MTOR: variants seen among roughly 807,000 people sequenced by gnomAD.
The protein encoded by MTOR is serine/threonine-protein kinase mTOR.
Under a neutral mutation model 319.8 loss-of-function variants are expected in MTOR, and 70 were observed. The observed-to-expected ratio is 0.22, with a 90% CI of 0.18 to 0.27. The LOEUF is 0.27. MTOR is among the 10% of genes least tolerant of loss of function. The pLI is 1.00. For synonymous variants in MTOR, 1,183 were observed against 1,211.4 expected (o/e 0.98, Z 0.49); for missense variants, 1,890 against 3,274.4 (o/e 0.58, Z 10.32).
chr1:11,154,068 CAAAAAAAAAAAAAAAAAAA>C (rs70977548), intron 30 of MTOR, among the ~76,000 whole-genome samples: 24 of 13,070 alleles, frequency 1.8e-3, no homozygotes, highest in South Asian at 0.011. Context: ...GACTCTGTCT[CAAAAAAAAAAAAAAAAAAA>C]AAAAAAAAAA....
Position 11,150,117 on chromosome 1 carries a change from A to G in MTOR, c.4570+9T>C, listed in dbSNP as rs756557134. 1 of 1,613,132 alleles carries G rather than the reference A, an allele frequency of 6.2e-7. No individual in the cohort carries two copies. Among genetic ancestry groups the G allele is most frequent in the Non-Finnish European group, 8.5e-7 (1 of 1,179,576 alleles). On this transcript the variant is annotated intron_variant, in intron 31 of 57. Coordinates refer to ENST00000361445, the MANE Select transcript of MTOR (RefSeq NM_004958.4). Reference sequence around the variant, plus strand: ...ATCCTTCACAGGGTGCCTGTGAGGGAAGCTTTACCTAAACCCCATGCAGCT... The same window carrying G: ...ATCCTTCACAGGGTGCCTGTGAGGGGAGCTTTACCTAAACCCCATGCAGCT...
At position 11,238,442 on chromosome 1, in the gene MTOR, A is replaced by G; in HGVS notation, c.1962T>C (p.Asp654=). The change falls in exon 12 of 58, where the codon GAT becomes GAC. Residue 654 remains aspartate (D), a synonymous_variant. Coordinates refer to ENST00000361445, the MANE Select transcript of MTOR (RefSeq NM_004958.4). ...CAACTACGAGCAGTTTGCTAAGCAC[A>G]TCTGCCACCACTTGCACTGCGGTCT... ...VSQTAVQVVA[D]VLSKLLVVGI... 6.2e-7 allele frequency: 1 copy of G among 1,614,214 alleles called. No homozygotes were observed. Among genetic ancestry groups the G allele is most frequent in the Non-Finnish European group, 8.5e-7 (1 of 1,180,036 alleles).
intron 38 of MTOR, chr1:11,132,363 AG>A (rs1413685019): frequency 6.6e-6 from 1 of 152,212 alleles, no homozygotes; most frequent in Non-Finnish European, 1.5e-5. Context: ...GCCTAAACAA[AG>A]GTAAGATCTG....
At position 11,210,800 on chromosome 1, in the gene MTOR, GAAGTA is replaced by G; in HGVS notation, c.3654+9_3654+13del. 2 of 1,575,880 alleles carry G rather than the reference GAAGTA, an allele frequency of 1.3e-6. No homozygotes were observed. The highest frequency in any genetic ancestry group is 1.7e-6 in the Non-Finnish European group (2 of 1,149,278). ...ACAACAGGGACTTCAGAACAGAAAAGAAGTATAGTTCACCTTGACAATTCTGCAGA... is the reference window on the plus strand; with the variant it reads ...ACAACAGGGACTTCAGAACAGAAAAGTAGTTCACCTTGACAATTCTGCAGA... On this transcript the variant is annotated intron_variant, in intron 24 of 57. Coordinates refer to ENST00000361445, the MANE Select transcript of MTOR (RefSeq NM_004958.4).
At position 11,237,940 on chromosome 1, in the gene MTOR, A is replaced by T; in HGVS notation, c.2111T>A (p.Val704Glu). Residue 704 changes from valine (V) to glutamate (E), a missense_variant, in exon 13 of 58, where the codon GTG (valine) becomes GAG (glutamate). Val to Glu is a moderately radical substitution (Grantham distance 121). Around this residue, in one of 15 missense-constraint regions of MTOR, gnomAD observed 377 missense variants for 653.9 expected, o/e 0.58. Coordinates refer to ENST00000361445, the MANE Select transcript of MTOR (RefSeq NM_004958.4). The part of the protein sequence containing the change: ...QALFVALNDQ[V>E]FEIRELAICT... ...GATGGCCAGCTCCCGGATCTCAAAC[A>T]CCTGGTCATTCAGAGCCACAAACAA... 1 of 1,614,086 alleles carries T rather than the reference A, an allele frequency of 6.2e-7. No homozygotes were observed. Among genetic ancestry groups the T allele is most frequent in the Non-Finnish European group, 8.5e-7 (1 of 1,180,016 alleles).
chr1:11,229,669 T>C (rs1646955413), intron 18 of MTOR, among the ~76,000 whole-genome samples: 1 of 152,180 alleles, frequency 6.6e-6, no homozygotes, highest in Non-Finnish European at 1.5e-5. Context: ...GTAATAATAT[T>C]TTCCTGGAAT....
Position 11,256,094 on chromosome 1 carries a change from G to A in MTOR, c.603C>T (p.Pro201=). 6.2e-7 allele frequency: 1 copy of A among 1,614,164 alleles called. No homozygotes were observed. Among genetic ancestry groups the A allele is most frequent in the Non-Finnish European group, 8.5e-7 (1 of 1,180,026 alleles). The change falls in exon 5 of 58, where the codon CCC becomes CCT. Residue 201 remains proline (P), a synonymous_variant. Coordinates refer to ENST00000361445, the MANE Select transcript of MTOR (RefSeq NM_004958.4). The part of the protein sequence containing the change: ...FDNIFVAVWD[P]KQAIREGAVA... Reference sequence around the variant, plus strand: ...CAGCTCCCTCACGGATGGCCTGTTTGGGGTCCCACACGGCCACAAAAATGT... The same window carrying A: ...CAGCTCCCTCACGGATGGCCTGTTTAGGGTCCCACACGGCCACAAAAATGT...
chr1:11,246,478 TTCTG>T (rs1304053075), intron 8 of MTOR, among the ~76,000 whole-genome samples: 4 of 152,192 alleles, frequency 2.6e-5, no homozygotes, highest in African/African-American at 7.2e-5. Flanking sequence ...GTGATTTTCC[TTCTG>T]TTATTTCTCT....
At chr1:11,236,458 G>A (rs995906277) in intron 13 of MTOR, among the ~76,000 whole-genome samples, 6 of 149,752 alleles carry the variant, frequency 4.0e-5, no homozygotes, top group Non-Finnish European at 8.9e-5. Context: ...ATATTTCTAC[G>A]CCAAATTAAT....
intron 30 of MTOR, among the ~76,000 whole-genome samples, chr1:11,154,766 T>C (rs1261338861): frequency 6.6e-6 from 1 of 152,156 alleles, no homozygotes; most frequent in Non-Finnish European, 1.5e-5. Flanking sequence ...GGAGGATTGC[T>C]TGAGTCCAGG....
At chr1:11,208,819 G>C (rs1022482294) in intron 25 of MTOR, among the ~76,000 whole-genome samples, 2 of 152,154 alleles carry the variant, frequency 1.3e-5, no homozygotes, top group African/African-American at 4.8e-5. Flanking sequence ...CTCAAAGTAT[G>C]GTCCATGGAC....
At chr1:11,122,370 A>C (rs1428336798) in intron 47 of MTOR, among the ~76,000 whole-genome samples, 1 of 150,440 alleles carries the variant, frequency 6.6e-6, no homozygotes, top group Non-Finnish European at 1.5e-5. Context: ...TGCCCAACTA[A>C]TCTTTTTATT....
chr1:11,134,250 G>C, intron 37 of MTOR, 101 bp downstream of exon 37: 1 of 969,106 alleles, frequency 1.0e-6, no homozygotes, highest in Non-Finnish European at 1.6e-6. Flanking sequence ...AGAGATGTCA[G>C]CAATCAGCCA....
intron 19 of MTOR, among the ~76,000 whole-genome samples, chr1:11,218,562 G>A (rs769490240): frequency 2.6e-5 from 4 of 152,272 alleles, no homozygotes; most frequent in South Asian, 2.1e-4. Flanking sequence ...GGCCTACAGC[G>A]ATGGCGGGGA....
chr1:11,223,612 TA>T (rs1299672995), intron 19 of MTOR, among the ~76,000 whole-genome samples: 1 of 151,798 alleles, frequency 6.6e-6, no homozygotes, highest in Non-Finnish European at 1.5e-5. Flanking sequence ...TAAGAAAAAT[TA>T]AAGGTGGCCA....
chr1:11,114,626 G>T, intron 52 of MTOR, 173 bp from the exon 53 acceptor site: 1 of 1,056,808 alleles, frequency 9.5e-7, no homozygotes, highest in Non-Finnish European at 1.4e-6. Flanking sequence ...CAGGAAACCA[G>T]GTCAGAAGTG....
chr1:11,124,746 A>G, intron 46 of MTOR, 113 bp from the exon 47 acceptor site: 1 of 1,172,170 alleles, frequency 8.5e-7, no homozygotes, highest in Non-Finnish European at 1.1e-6. Context: ...ACCTAATCAC[A>G]CGTTCCTCAC....
intron 14 of MTOR, 89 bp downstream of exon 14, chr1:11,234,054 T>C: frequency 6.3e-7 from 1 of 1,579,330 alleles, no homozygotes; most frequent in South Asian, 1.1e-5. Flanking sequence ...CTTTGTTCAG[T>C]GTACTAGTGA....
At chr1:11,151,763 T>A (rs186836199) in intron 30 of MTOR, among the ~76,000 whole-genome samples, 146 of 152,290 alleles carry the variant, frequency 9.6e-4, no homozygotes, top group Non-Finnish European at 1.3e-3. Context: ...CTCCAAATGG[T>A]CCTTCCAACC....
Sources: allele counts gnomAD v4.1 joint callset (sites outside exome capture counted in the v4.1 genomes callset), GRCh38; gene constraint gnomAD v4.1.1; regional missense constraint gnomAD v4.1.1; transcripts MANE v1.5; gene names NCBI Gene and HGNC (gene_info 2026-07-23, HGNC 2026-07-21).